ABCB10: variants seen among roughly 807,000 people sequenced by gnomAD.
The protein encoded by ABCB10 is ATP-binding cassette sub-family B member 10, mitochondrial.
ABCB10 carries 54 observed loss-of-function variants against 65.4 expected under a neutral mutation model. That is an observed-to-expected ratio of 0.83 (90% CI 0.66 to 1.04). The LOEUF is 1.04. ABCB10 is among the 50% of genes least tolerant of loss of function. The pLI is 0.00. For missense variants in ABCB10, 846 were observed against 976.6 expected (o/e 0.87, Z 1.78); for synonymous variants, 418 against 406.5 (o/e 1.03, Z -0.34).
chr1:229,558,403 G>T lies in ABCB10; in HGVS notation c.250C>A (p.Leu84Met). ...GGGPGASRGVLGLARLLGLWA... is the reference protein window; with the variant it reads ...GGGPGASRGVMGLARLLGLWA... ...AGCCCCAGGAGCCGCGCGAGGCCCA[G>T]GACGCCCCGCGAGGCGCCCGGACCC... is the stretch of plus-strand genomic sequence containing the variant. Residue 84 changes from leucine (L) to methionine (M), a missense_variant, in exon 1 of 13, where the codon CTG becomes ATG. Leu to Met is a conservative substitution (Grantham distance 15, BLOSUM62 2). Coordinates refer to ENST00000344517, the MANE Select transcript of ABCB10 (RefSeq NM_012089.3). 8.3e-7 allele frequency: 1 copy of T among 1,206,732 alleles called. No individual in the cohort carries two copies. Among genetic ancestry groups the T allele is most frequent in the Admixed American group, 4.3e-5 (1 of 23,318 alleles). The allele number at this position is 1,206,732 out of a possible 1,614,324, so 74.8% of individuals were successfully genotyped here.
At chr1:229,529,312 A>AAG (rs1662520875) in intron 8 of ABCB10, among the ~76,000 whole-genome samples, 1 of 127,842 alleles carries the variant, frequency 7.8e-6, no homozygotes, top group Admixed American at 7.6e-5. Flanking sequence ...AAAAAAAAAA[A>AAG]AAAAAAAAAA....
intron 11 of ABCB10, chr1:229,519,163 G>C (rs1004633909): frequency 9.4e-5 from 24 of 256,514 alleles, no homozygotes; most frequent in African/African-American, 1.6e-4. Context: ...AGGGTCCCTG[G>C]GGGGGTGATG....
chr1:229,530,859 T>C (rs140959508), intron 7 of ABCB10, among the ~76,000 whole-genome samples: 119 of 152,328 alleles, frequency 7.8e-4, no homozygotes, highest in African/African-American at 2.6e-3. Flanking sequence ...AGAGTTATGA[T>C]GAAACGGGGA....
chr1:229,549,903 C>CT lies in ABCB10; in HGVS notation c.518-470dup, dbSNP rs553224068. 2.0e-4 allele frequency: 35 copies of CT among 171,634 alleles called. No homozygotes were observed. In the East Asian group the frequency reaches 5.4e-3, roughly 27 times the overall value. The allele number at this position is 171,634 out of a possible 1,614,324, so 10.6% of individuals were successfully genotyped here. On this transcript the variant is annotated intron_variant, in intron 1 of 12. Coordinates refer to ENST00000344517, the MANE Select transcript of ABCB10 (RefSeq NM_012089.3). ...ATTACATCTAGTATCTCAAAACACT[C>CT]TGTCTACGGCCATACACTCTGAACG... is the stretch of plus-strand genomic sequence containing the variant.
chr1:229,527,090 C>T (rs111312490), intron 9 of ABCB10, 139 bp downstream of exon 9: 13 of 749,762 alleles, frequency 1.7e-5, no homozygotes, highest in Admixed American at 1.4e-4. Context: ...AAACAACCTG[C>T]CATGTGAGAT....
chr1:229,540,514 A>T (rs1314808568), intron 5 of ABCB10, 92 bp downstream of exon 5: 1 of 1,294,502 alleles, frequency 7.7e-7, no homozygotes, highest in Non-Finnish European at 1.0e-6. Flanking sequence ...TAAAAATTAA[A>T]ATTATTTTCT....
At chr1:229,546,028 G>A (rs1028347573) in intron 3 of ABCB10, among the ~76,000 whole-genome samples, 4 of 151,952 alleles carry the variant, frequency 2.6e-5, no homozygotes, top group Non-Finnish European at 4.4e-5. Flanking sequence ...AAAAATTAGC[G>A]AGGCGTGGTG....
At chr1:229,525,368 G>T (rs945033288) in intron 10 of ABCB10, among the ~76,000 whole-genome samples, 4 of 151,846 alleles carry the variant, frequency 2.6e-5, no homozygotes, top group Non-Finnish European at 5.9e-5. Context: ...TGTTGTTGTT[G>T]TTTTTCAGAT....
chr1:229,537,977 A>G (rs568532179), intron 6 of ABCB10, among the ~76,000 whole-genome samples: 1 of 152,168 alleles, frequency 6.6e-6, no homozygotes, highest in Non-Finnish European at 1.5e-5. Context: ...ATGTACACTG[A>G]CCTACCCATA....
chr1:229,556,720 C>T lies in ABCB10; in HGVS notation c.517+1416G>A, dbSNP rs1016180239. On this transcript the variant is annotated intron_variant, in intron 1 of 12. Transcript: ENST00000344517. ...CTAGTATTTCAGAAACAAAACAGAA[C>T]TGGATTTCCTTACACTTACTTTGAG... Among the ~76,000 whole-genome samples, 4 of 152,132 alleles carry T rather than the reference C, an allele frequency of 2.6e-5. No individual in the cohort carries two copies. In the South Asian group the frequency reaches 8.3e-4, roughly 32 times the overall value.
intron 6 of ABCB10, among the ~76,000 whole-genome samples, chr1:229,537,282 T>G (rs1046877073): frequency 3.9e-5 from 6 of 152,230 alleles, no homozygotes; most frequent in Non-Finnish European, 8.8e-5. Flanking sequence ...TTGAAAATGG[T>G]TAGGTTTTGC....
intron 1 of ABCB10, among the ~76,000 whole-genome samples, chr1:229,553,631 AG>A (rs1423400236): frequency 1.4e-4 from 21 of 151,520 alleles, no homozygotes; most frequent in African/African-American, 5.1e-4. Flanking sequence ...GGATAAGATG[AG>A]GGTTAAAGGG....
At chr1:229,529,821 G>A (rs1423289359) in intron 8 of ABCB10, among the ~76,000 whole-genome samples, 2 of 152,148 alleles carry the variant, frequency 1.3e-5, no homozygotes, top group African/African-American at 4.8e-5. Flanking sequence ...GGCACACGGT[G>A]GTTCTCCAGG....
At chr1:229,541,101 T>G (rs1156319259) in intron 4 of ABCB10, among the ~76,000 whole-genome samples, 1 of 152,242 alleles carries the variant, frequency 6.6e-6, no homozygotes, top group Non-Finnish European at 1.5e-5. Context: ...GACTCCAAAA[T>G]GTTAATAATG....
intron 1 of ABCB10, 87 bp from the exon 2 acceptor site, chr1:229,549,521 G>T: frequency 7.8e-7 from 1 of 1,284,908 alleles, no homozygotes; most frequent in Non-Finnish European, 1.1e-6. Flanking sequence ...TGCCAAATAA[G>T]CTGTTGTCAG....
intron 8 of ABCB10, 88 bp from the exon 9 acceptor site, chr1:229,527,396 A>T: frequency 8.4e-7 from 1 of 1,192,536 alleles, no homozygotes; most frequent in Non-Finnish European, 1.2e-6. Context: ...AAAATTCCAG[A>T]CTCATTTTTT....
chr1:229,527,114 C>A, intron 9 of ABCB10, 115 bp downstream of exon 9: 1 of 1,006,996 alleles, frequency 9.9e-7, no homozygotes. Flanking sequence ...CTTAATACAT[C>A]CCAAAGACTT....
intron 8 of ABCB10, among the ~76,000 whole-genome samples, chr1:229,529,547 G>A (rs1443827256): frequency 2.0e-5 from 3 of 150,258 alleles, no homozygotes; most frequent in African/African-American, 7.3e-5. Flanking sequence ...GCAGGCACCT[G>A]TAGTCCCAGC....
intron 1 of ABCB10, among the ~76,000 whole-genome samples, chr1:229,555,918 G>T (rs1663237874): frequency 6.7e-6 from 1 of 149,610 alleles, no homozygotes. Context: ...TCTAAATAAG[G>T]GCTTTTTATC....
Sources: allele counts gnomAD v4.1 joint callset (sites outside exome capture counted in the v4.1 genomes callset), GRCh38; gene constraint gnomAD v4.1.1; transcripts MANE v1.5; gene names NCBI Gene and HGNC (gene_info 2026-07-23, HGNC 2026-07-21).